RBM25: variants seen among roughly 807,000 people sequenced by gnomAD.
The protein encoded by RBM25 is RNA binding motif protein 25, also known as RNA-binding protein 25.
RBM25 carries 19 observed loss-of-function variants against 120.7 expected under a neutral mutation model. The observed-to-expected ratio is 0.16, with a 90% CI of 0.11 to 0.23. RBM25 has a LOEUF of 0.23. RBM25 is among the 10% of genes least tolerant of loss of function. The pLI is 1.00. For missense variants in RBM25, 605 were observed against 1,041.5 expected (o/e 0.58, Z 5.77); for synonymous variants, 390 against 326.7 (o/e 1.19, Z -2.09).
At chr14:73,105,126 C>CTTTTTTCT (rs1896154840) in intron 10 of RBM25, among the ~76,000 whole-genome samples, 1 of 109,564 alleles carries the variant, frequency 9.1e-6, no homozygotes, top group Non-Finnish European at 1.8e-5. Flanking sequence ...GGTTTTATTA[C>CTTTTTTCT]TTTTTTTTTT....
At chr14:73,107,983 A>C (rs1896224985) in intron 13 of RBM25, 84 bp downstream of exon 13, 1 of 877,588 alleles carries the variant, frequency 1.1e-6, no homozygotes, top group African/African-American at 1.7e-5. Context: ...ATGCATGTTC[A>C]CTAAGTGGAA....
chr14:73,095,812 A>G (rs1769656720), intron 6 of RBM25, among the ~76,000 whole-genome samples: 1 of 152,158 alleles, frequency 6.6e-6, no homozygotes. Flanking sequence ...ATGTATGCAC[A>G]TGAGCATGGT....
In RBM25 at chr14:73,061,756, T is replaced by A. The variant is rs1408134803; in HGVS notation, c.-16+3051T>A. The stretch of plus-strand genomic sequence containing the variant: ...TATTTTTTTGTATTTTTGGTAGAGA[T>A]GGGGTTTCACCATGTTGCCCAGGCG... On this transcript the variant is annotated intron_variant, in intron 1 of 18. Coordinates refer to ENST00000261973, the MANE Select transcript of RBM25 (RefSeq NM_021239.3). Among the ~76,000 whole-genome samples the A allele has an allele frequency of 2.0e-5, 3 of 151,002 alleles. 1 individual carries two copies. The highest frequency in any genetic ancestry group is 7.3e-5 in the African/African-American group (3 of 41,240).
chr14:73,078,854 T>C (rs1027912838), intron 4 of RBM25, among the ~76,000 whole-genome samples: 5 of 152,176 alleles, frequency 3.3e-5, no homozygotes, highest in Middle Eastern at 3.2e-3. Context: ...ACCGCCTGCG[T>C]TGGCTTTCCA....
At chr14:73,096,415 A>G (rs954080522) in intron 6 of RBM25, among the ~76,000 whole-genome samples, 2 of 152,370 alleles carry the variant, frequency 1.3e-5, no homozygotes, top group East Asian at 3.9e-4. Context: ...CCATCATTAC[A>G]GCCCCTAAAC....
intron 6 of RBM25, among the ~76,000 whole-genome samples, chr14:73,091,851 C>G (rs568750651): frequency 1.3e-5 from 2 of 152,020 alleles, no homozygotes; most frequent in South Asian, 4.1e-4. Context: ...GCAGTCCAGC[C>G]TGGGTGACAG....
chr14:73,112,858 C>T (rs1415948767), intron 17 of RBM25, among the ~76,000 whole-genome samples: 1 of 151,964 alleles, frequency 6.6e-6, no homozygotes. Context: ...GGCTGGAGTG[C>T]AGTGGCGCAA....
chr14:73,105,989 A>G lies in RBM25; in HGVS notation c.1285A>G (p.Lys429Glu). The G allele has an allele frequency of 6.2e-7, 1 of 1,614,078 alleles. No individual in the cohort carries two copies. The highest frequency in any genetic ancestry group is 8.5e-7 in the Non-Finnish European group (1 of 1,180,010). Residue 429 changes from lysine (K) to glutamate (E), a missense_variant, in exon 11 of 19, where the codon AAA (lysine) becomes GAA (glutamate). Transcript: ENST00000261973. ...ACGGGAGCGAGAAAGAGAAAAAGAC[A>G]AAAAACGGGACCGAGAAGAAGATGA... ...REREREREKD[K>E]KRDREEDEED...
chr14:73,059,318 T>C (rs913698203), intron 1 of RBM25: 2 of 152,204 alleles, frequency 1.3e-5, no homozygotes, highest in African/African-American at 4.8e-5. Context: ...GTCATGAATT[T>C]TGCCATCCTG....
intron 5 of RBM25, among the ~76,000 whole-genome samples, chr14:73,084,075 T>C (rs1473762648): frequency 6.6e-6 from 1 of 152,020 alleles, no homozygotes; most frequent in Non-Finnish European, 1.5e-5. Context: ...TTTTTGTATT[T>C]TTAGTAGAGA....
chr14:73,076,870 A>G (rs1021784957), intron 3 of RBM25, among the ~76,000 whole-genome samples: 1 of 152,260 alleles, frequency 6.6e-6, no homozygotes, highest in African/African-American at 2.4e-5. Flanking sequence ...ACCTGAGGCC[A>G]GGAGTTCAAG....
At chr14:73,060,227 C>T (rs1173550097) in intron 1 of RBM25, among the ~76,000 whole-genome samples, 2 of 151,102 alleles carry the variant, frequency 1.3e-5, no homozygotes, top group African/African-American at 4.8e-5. Flanking sequence ...TTAATAGAGG[C>T]GAGGTTTCAC....
intron 9 of RBM25, 188 bp downstream of exon 9, chr14:73,099,938 G>T: frequency 2.1e-6 from 2 of 930,744 alleles, no homozygotes; most frequent in Non-Finnish European, 2.9e-6. Flanking sequence ...GACATGTTGT[G>T]CTTAGTTTTT....
chr14:73,078,913 A>AGTGTGTCC (rs1895489941), intron 4 of RBM25, among the ~76,000 whole-genome samples: 1 of 152,220 alleles, frequency 6.6e-6, no homozygotes, highest in African/African-American at 2.4e-5. Flanking sequence ...TAGGGTTAAT[A>AGTGTGTCC]TTTTGAGACT....
intron 1 of RBM25, among the ~76,000 whole-genome samples, chr14:73,061,370 A>C (rs978352554): frequency 2.0e-5 from 3 of 151,144 alleles, no homozygotes; most frequent in Non-Finnish European, 4.4e-5. Flanking sequence ...GCCTTTTTTA[A>C]AATGGCAGCT....
chr14:73,082,759 G>A (rs565570594), intron 4 of RBM25, among the ~76,000 whole-genome samples: 58 of 152,108 alleles, frequency 3.8e-4, no homozygotes, highest in South Asian at 2.1e-3. Context: ...CGTATCAAGC[G>A]TTTTCCCATG....
In RBM25 at chr14:73,112,376, A is replaced by G. The variant is rs1186822060; in HGVS notation, c.2391+126A>G. On this transcript the variant is annotated intron_variant, in intron 17 of 18. Coordinates refer to ENST00000261973, the MANE Select transcript of RBM25 (RefSeq NM_021239.3). Reference sequence around the variant, plus strand: ...TGGTTTAGGTTCAGTTAAGTGATTTATATCTGCTTTTTTAAAGTTATTTTT... The same window carrying G: ...TGGTTTAGGTTCAGTTAAGTGATTTGTATCTGCTTTTTTAAAGTTATTTTT... 1.0e-5 allele frequency: 9 copies of G among 892,146 alleles called. No homozygotes were observed. In the South Asian group the frequency reaches 1.5e-4, roughly 15 times the overall value. The allele number at this position is 892,146 out of a possible 1,614,324, so 55.3% of individuals were successfully genotyped here.
chr14:73,106,163 A>G (rs751201753), intron 11 of RBM25, 33 bp from the exon 12 acceptor site: 3 of 1,577,384 alleles, frequency 1.9e-6, no homozygotes, highest in East Asian at 2.2e-5. Context: ...CTATGTATAA[A>G]TTTTTAAAGC....
chr14:73,103,594 C>T, intron 10 of RBM25, 116 bp downstream of exon 10: 1 of 1,410,810 alleles, frequency 7.1e-7, no homozygotes, highest in Non-Finnish European at 9.3e-7. Context: ...GTGAGACATT[C>T]TCACTCTGTC....
Sources: allele counts gnomAD v4.1 joint callset (sites outside exome capture counted in the v4.1 genomes callset), GRCh38; gene constraint gnomAD v4.1.1; transcripts MANE v1.5; gene names NCBI Gene and HGNC (gene_info 2026-07-23, HGNC 2026-07-21).